WNT5A: variants seen among roughly 807,000 people sequenced by gnomAD.
WNT5A encodes the protein protein Wnt-5a.
In WNT5A, 9 loss-of-function variants were observed where a neutral mutation model predicts 42.1. The observed-to-expected ratio is 0.21, with a 90% confidence interval of 0.13 to 0.37. The LOEUF (loss-of-function observed/expected upper bound fraction) is 0.37. Among genes scored for constraint, WNT5A ranks in the 10% least tolerant of loss-of-function variants. The probability of loss-of-function intolerance (pLI) is 1.00; values close to 1 mark genes in which losing one functional copy is unlikely to be tolerated. For missense variants in WNT5A, 426 were observed against 534.0 expected, an observed-to-expected ratio of 0.80 and a Z score of 1.99; for synonymous variants, 210 against 210.0, an observed-to-expected ratio of 1.00 and a Z score of 0.00.
chr3:55,484,870 T>C (rs567122550), intron 1 of WNT5A, among the ~76,000 whole-genome samples: 60 of 152,280 alleles, frequency 3.9e-4, no homozygotes, highest in African/African-American at 1.4e-3. Context: ...GTAGTTTCTC[T>C]CCCACTTTTT....
At chr3:55,498,181 G>A in the WNT5A span, among the ~76,000 whole-genome samples, 1 of 152,116 alleles carries the variant, frequency 6.6e-6, no homozygotes. Context: ...TGTGACAGCC[G>A]TCACTGTTCA....
intron 4 of WNT5A, among the ~76,000 whole-genome samples, chr3:55,470,758 A>G (rs1043840293): frequency 3.9e-5 from 6 of 152,238 alleles, no homozygotes; most frequent in African/African-American, 1.4e-4. Context: ...ACTCATTATT[A>G]TATCATTATC....
the WNT5A span, among the ~76,000 whole-genome samples, chr3:55,503,624 T>C: frequency 6.6e-6 from 1 of 152,204 alleles, no homozygotes. Context: ...TTCCACAGGC[T>C]TGCAGGGCTC....
chr3:55,494,886 G>T, upstream of WNT5A, among the ~76,000 whole-genome samples: 1 of 152,120 alleles, frequency 6.6e-6, no homozygotes, highest in Admixed American at 6.5e-5. Context: ...ATCCCTTCCA[G>T]ATAAGAAGCA....
chr3:55,499,967 T>G, the WNT5A span, among the ~76,000 whole-genome samples: 1 of 117,820 alleles, frequency 8.5e-6, no homozygotes, highest in East Asian at 2.1e-4. Context: ...AGAACGAGAC[T>G]CCATCCCCCC....
the WNT5A span, among the ~76,000 whole-genome samples, chr3:55,498,935 A>G: frequency 6.6e-6 from 1 of 152,220 alleles, no homozygotes. Flanking sequence ...AAGCCCAGCA[A>G]TGCCAAGAAA....
chr3:55,476,612 G>A (rs889764270), intron 3 of WNT5A, among the ~76,000 whole-genome samples: 1 of 152,178 alleles, frequency 6.6e-6, no homozygotes, highest in African/African-American at 2.4e-5. Context: ...CACAAACAAT[G>A]CTTCTTTTTT....
the WNT5A span, chr3:55,501,619 G>A: frequency 5.3e-5 from 8 of 152,272 alleles, no homozygotes; most frequent in East Asian, 3.9e-4. Context: ...ATGTTCACTC[G>A]TCAGTCAAAT....
chr3:55,484,641 GC>G (rs756202241), intron 1 of WNT5A, among the ~76,000 whole-genome samples: 80 of 150,428 alleles, frequency 5.3e-4, no homozygotes, highest in Admixed American at 7.3e-4. Flanking sequence ...TCTGTTTCCT[GC>G]CCCCTCGTCC....
chr3:55,498,872 G>A, the WNT5A span, among the ~76,000 whole-genome samples: 1 of 152,066 alleles, frequency 6.6e-6, no homozygotes, highest in Non-Finnish European at 1.5e-5. Context: ...AGGGTTGGGG[G>A]GCATCATATA....
rs1362145507 is a variant in WNT5A at position 55,470,096 on chromosome 3, T to C, written c.1139A>G (p.Lys380Arg). The C allele has an allele frequency of 4.3e-6, 7 of 1,614,046 alleles. No homozygotes were observed. Among genetic ancestry groups the C allele is most frequent in the Non-Finnish European group, 5.9e-6 (7 of 1,179,916 alleles). ...CTGAGTGCTGGGTGGCACCCACTACTTGCACACAAACTGGTCCACGATCTC... is the reference window on the plus strand; with the variant it reads ...CTGAGTGCTGGGTGGCACCCACTACCTGCACACAAACTGGTCCACGATCTC... ...CTEIVDQFVC[K>R] Residue 380 changes from lysine (K) to arginine (R), a missense_variant, in exon 5 of 5, where the codon AAG becomes AGG. Lys to Arg is a conservative substitution (Grantham distance 26). Coordinates refer to ENST00000264634, the MANE Select transcript of WNT5A (RefSeq NM_003392.7).
At chr3:55,479,649 T>C (rs755830524) in intron 2 of WNT5A, 85 bp from the exon 3 acceptor site, 127 of 1,467,310 alleles carry the variant, frequency 8.7e-5, no homozygotes, top group Non-Finnish European at 1.1e-4. Context: ...TACATAGTTT[T>C]AAGCACACAG....
upstream of WNT5A, chr3:55,490,372 G>A (rs1055000723): frequency 2.6e-5 from 4 of 152,150 alleles, no homozygotes; most frequent in Non-Finnish European, 5.9e-5. Flanking sequence ...CTTTCCTCTA[G>A]TGGAAGTCGG....
At chr3:55,492,309 C>A (rs571043871), upstream of WNT5A, among the ~76,000 whole-genome samples, 2 of 152,178 alleles carry the variant, frequency 1.3e-5, no homozygotes, top group Non-Finnish European at 2.9e-5. Flanking sequence ...GAGTCTGAAT[C>A]CCAGCTCTGC....
Position 55,483,331 on chromosome 3 carries a change from C to T in WNT5A, c.7-2413G>A, listed in dbSNP as rs1188440517. On this transcript the variant is annotated intron_variant, in intron 1 of 4. Coordinates refer to ENST00000264634, the MANE Select transcript of WNT5A (RefSeq NM_003392.7). The surrounding 1 kb of genome is among the most constrained non-coding windows in gnomAD (Gnocchi z 4.2). ...CCGCTTGCCCGGAAACACCTTGGCC[C>T]TCTTCCCTCTTCAATCCCAGTGCAA... Among the ~76,000 whole-genome samples the T allele has an allele frequency of 1.3e-5, 2 of 152,174 alleles. No homozygotes were observed. The highest frequency in any genetic ancestry group is 2.4e-5 in the African/African-American group (1 of 41,448).
chr3:55,481,345 A>G (rs1412737815), intron 1 of WNT5A: 8 of 986,500 alleles, frequency 8.1e-6, no homozygotes, highest in African/African-American at 3.5e-5. Flanking sequence ...GCCGAGCAAC[A>G]AGTGGAGCCA....
chr3:55,487,014 G>A lies in WNT5A; in HGVS notation c.-29C>T. On this transcript the variant is annotated 5_prime_UTR_variant, in exon 1 of 5. Coordinates refer to ENST00000264634, the MANE Select transcript of WNT5A (RefSeq NM_003392.7). Reference sequence around the variant, plus strand: ...GAGGGGGAGGGGGCGCGGGGAGGAAGTCGCCACCCGAGCGAGCGCAGCCGA... The same window carrying A: ...GAGGGGGAGGGGGCGCGGGGAGGAAATCGCCACCCGAGCGAGCGCAGCCGA... 1 of 1,609,732 alleles carries A rather than the reference G, an allele frequency of 6.2e-7. No individual in the cohort carries two copies. The highest frequency in any genetic ancestry group is 2.2e-5 in the East Asian group (1 of 44,850).
upstream of WNT5A, among the ~76,000 whole-genome samples, chr3:55,493,102 A>C (rs1002929702): frequency 9.2e-5 from 14 of 152,186 alleles, no homozygotes; most frequent in African/African-American, 3.4e-4. Flanking sequence ...TTTACCTTGA[A>C]TTCTTACCTT....
At chr3:55,488,724 C>T (rs1375764883), upstream of WNT5A, among the ~76,000 whole-genome samples, 1 of 152,152 alleles carries the variant, frequency 6.6e-6, no homozygotes, top group Non-Finnish European at 1.5e-5. Flanking sequence ...GTTGTCTGCG[C>T]TCCTTCCAGA....
Sources: gnomAD v4.1 joint callset for allele counts (sites outside exome capture counted in the v4.1 genomes callset) on GRCh38, gnomAD v4.1.1 for gene constraint, Gnocchi (gnomAD v3.1) non-coding constraint, MANE v1.5 for transcripts, NCBI Gene and HGNC (gene_info 2026-07-23, HGNC 2026-07-21) for gene names.